The following ANKRD50 variants were observed in gnomAD, a reference collection of about 807,000 sequenced individuals.
ANKRD50 encodes the protein ankyrin repeat domain 50, also known as ankyrin repeat domain-containing protein 50.
Under a neutral mutation model 112.0 loss-of-function variants are expected in ANKRD50, and 40 were observed. The ratio of observed to expected loss-of-function variants is 0.36; its 90% CI spans 0.28 to 0.46. The LOEUF (loss-of-function observed/expected upper bound fraction) is 0.46, where lower values mean the gene tolerates loss of function less well. ANKRD50 is among the 20% of genes least tolerant of loss of function. The pLI is 1.00. For synonymous variants in ANKRD50, 613 were observed against 619.1 expected (o/e 0.99, Z 0.15); for missense variants, 1,487 against 1,701.7 (o/e 0.87, Z 2.22).
intron 2 of ANKRD50, among the ~76,000 whole-genome samples, chr4:124,703,295 T>C (rs1054687918): frequency 2.0e-5 from 3 of 152,036 alleles, no homozygotes; most frequent in Non-Finnish European, 2.9e-5. Flanking sequence ...TTTCTGTAAA[T>C]GTGTAGAGAT....
chr4:124,698,797 T>C (rs1356580224), intron 2 of ANKRD50, among the ~76,000 whole-genome samples: 1 of 152,152 alleles, frequency 6.6e-6, no homozygotes, highest in African/African-American at 2.4e-5. Context: ...GGTTATTTTG[T>C]GGGAATTGGC....
intron 2 of ANKRD50, among the ~76,000 whole-genome samples, chr4:124,691,535 A>C (rs1449676638): frequency 6.8e-6 from 1 of 148,080 alleles, no homozygotes; most frequent in African/African-American, 2.5e-5. Flanking sequence ...GGAGAACAGT[A>C]CTTAACATTT....
intron 2 of ANKRD50, among the ~76,000 whole-genome samples, chr4:124,696,435 T>C (rs1725253662): frequency 6.6e-6 from 1 of 152,064 alleles, no homozygotes; most frequent in Non-Finnish European, 1.5e-5. Context: ...AGAAAAAGAA[T>C]GAAGAGGCAC....
intron 2 of ANKRD50, among the ~76,000 whole-genome samples, chr4:124,701,500 C>A (rs532981863): frequency 6.6e-6 from 1 of 152,100 alleles, no homozygotes; most frequent in Non-Finnish European, 1.5e-5. Context: ...TCTATTTTAT[C>A]ATTAAAGACT....
At chr4:124,683,848 T>A (rs1724945971) in intron 2 of ANKRD50, among the ~76,000 whole-genome samples, 1 of 151,044 alleles carries the variant, frequency 6.6e-6, no homozygotes, top group South Asian at 2.1e-4. Flanking sequence ...AGGTTTTTTT[T>A]GGACATGTAC....
chr4:124,671,595 A>C lies in ANKRD50; in HGVS notation c.1682T>G (p.Val561Gly). The C allele has an allele frequency of 6.2e-7, 1 of 1,613,864 alleles. No homozygotes were observed. Among genetic ancestry groups the C allele is most frequent in the Non-Finnish European group, 8.5e-7 (1 of 1,179,854 alleles). Residue 561 changes from valine to glycine, a missense_variant, in exon 4 of 5, where the codon GTC (valine) becomes GGC (glycine). Val to Gly is a moderately radical substitution (Grantham distance 109). Coordinates refer to ENST00000504087, the MANE Select transcript of ANKRD50 (RefSeq NM_020337.3). The part of the protein sequence containing the change: ...NAAYSGSLDV[V>G]NLLVSRGADL... ...TGCTCCCCTAGAGACAAGTAAATTG[A>C]CTACATCAAGACTGCCACTATATGC...
Position 124,678,785 on chromosome 4 carries a change from A to C in ANKRD50, c.633T>G (p.Ser211=). The C allele has an allele frequency of 6.2e-7, 1 of 1,613,932 alleles. No individual in the cohort carries two copies. Among genetic ancestry groups the C allele is most frequent in the Non-Finnish European group, 8.5e-7 (1 of 1,179,826 alleles). ...TEGEQTSTSL[S]GTVAALLAGH... ...CAGCTAAAAGTGCTGCAACAGTCCC[A>C]GATAAGCTGGTAGACGTTTGTTCAC... Residue 211 remains serine, a synonymous_variant, in exon 3 of 5, where the codon TCT becomes TCG. Coordinates refer to ENST00000504087, the MANE Select transcript of ANKRD50 (RefSeq NM_020337.3).
In ANKRD50 at chr4:124,695,964, T is replaced by C. The variant is rs1220949356; in HGVS notation, c.512+14036A>G. On this transcript the variant is annotated intron_variant, in intron 2 of 4. Coordinates refer to ENST00000504087, the MANE Select transcript of ANKRD50 (RefSeq NM_020337.3). ...AAAGACATCACCTGGAAATCTACAA[T>C]CATTTAACACACTATCAGATATAAA... Among the ~76,000 whole-genome samples, 3 of 152,240 alleles carry C rather than the reference T, an allele frequency of 2.0e-5. No individual in the cohort carries two copies. The East Asian group carries it at 5.8e-4, about 29-fold the overall frequency.
intron 2 of ANKRD50, among the ~76,000 whole-genome samples, chr4:124,682,132 A>G (rs1456659011): frequency 6.6e-6 from 1 of 151,758 alleles, no homozygotes; most frequent in Admixed American, 6.6e-5. Context: ...CTGGCTAACA[A>G]GGTGAAACCC....
At chr4:124,683,759 A>C (rs1724943814) in intron 2 of ANKRD50, among the ~76,000 whole-genome samples, 1 of 147,106 alleles carries the variant, frequency 6.8e-6, no homozygotes, top group Non-Finnish European at 1.5e-5. Context: ...TCCGTCTCAA[A>C]AAAAAAAAAA....
At chr4:124,691,608 T>G (rs1725141163) in intron 2 of ANKRD50, among the ~76,000 whole-genome samples, 1 of 151,454 alleles carries the variant, frequency 6.6e-6, no homozygotes, top group African/African-American at 2.4e-5. Flanking sequence ...CAGCGTAACA[T>G]TAGTAAAACA....
At chr4:124,675,311 CA>C (rs1730749953) in intron 3 of ANKRD50, among the ~76,000 whole-genome samples, 1 of 151,598 alleles carries the variant, frequency 6.6e-6, no homozygotes, top group Non-Finnish European at 1.5e-5. Flanking sequence ...AGACCTGTGC[CA>C]ATATTTATAA....
Position 124,666,859 on chromosome 4 carries a change from A to T in ANKRD50, c.*659T>A, listed in dbSNP as rs1307222872. 1 of 152,428 alleles carries T rather than the reference A, an allele frequency of 6.6e-6. No individual in the cohort carries two copies. The highest frequency in any genetic ancestry group is 2.1e-4 in the South Asian group (1 of 4,834). 9.4% of individuals were successfully genotyped at this position (152,428 alleles called of 1,614,324 possible). On this transcript the variant is annotated 3_prime_UTR_variant, in exon 5 of 5. Transcript: ENST00000504087. ...TTTAGCCAGAGATGAGAAGAATTCT[A>T]CTGGGAAAATCCAGATTTAAACTAC...
At chr4:124,703,367 G>A (rs1451842214) in intron 2 of ANKRD50, among the ~76,000 whole-genome samples, 2 of 152,114 alleles carry the variant, frequency 1.3e-5, no homozygotes, top group Non-Finnish European at 2.9e-5. Flanking sequence ...AAACTGATAC[G>A]GAAGAGGAAG....
chr4:124,710,324 C>G lies in ANKRD50; in HGVS notation c.188G>C (p.Gly63Ala). Residue 63 changes from glycine to alanine, a missense_variant, in exon 2 of 5, where the codon GGT becomes GCT. Gly to Ala is a moderately conservative substitution (Grantham distance 60). Transcript: ENST00000504087. ...CCAGGCAGCTCCCTTTCCAGAGACA[C>G]CACTAGCATTATTCCCAGAATTCAT... ...LVMNSGNNAS[G>A]VSGKGAAWGV... is the part of the protein sequence containing the mutation. 1 of 1,614,180 alleles carries G rather than the reference C, an allele frequency of 6.2e-7. No individual in the cohort carries two copies. The highest frequency in any genetic ancestry group is 8.5e-7 in the Non-Finnish European group (1 of 1,180,030).
At chr4:124,680,576 T>TA (rs927294007) in intron 2 of ANKRD50, among the ~76,000 whole-genome samples, 5 of 152,206 alleles carry the variant, frequency 3.3e-5, no homozygotes, top group African/African-American at 1.2e-4. Flanking sequence ...TATTGTATCT[T>TA]AAACATATAT....
At chr4:124,705,770 C>T (rs1186699653) in intron 2 of ANKRD50, among the ~76,000 whole-genome samples, 1 of 152,088 alleles carries the variant, frequency 6.6e-6, no homozygotes, top group Non-Finnish European at 1.5e-5. Flanking sequence ...CCACCTCTAA[C>T]ACTAACTCTA....
At position 124,675,734 on chromosome 4, in the gene ANKRD50, G is replaced by A. The variant is rs549028559; in HGVS notation, c.742+2942C>T. Reference sequence around the variant, plus strand: ...CATAAATAATCTTTTAAAAATCTTGGAGGGTTAATTTTTTGTGCACAAAAT... The same window carrying A: ...CATAAATAATCTTTTAAAAATCTTGAAGGGTTAATTTTTTGTGCACAAAAT... On this transcript the variant is annotated intron_variant, in intron 3 of 4. Transcript: ENST00000504087. Among the ~76,000 whole-genome samples the A allele has an allele frequency of 3.3e-5, 5 of 151,798 alleles. No homozygotes were observed. In the East Asian group the frequency reaches 7.8e-4, roughly 24 times the overall value.
intron 2 of ANKRD50, among the ~76,000 whole-genome samples, chr4:124,698,713 T>C (rs1725312455): frequency 6.6e-6 from 1 of 152,326 alleles, no homozygotes; most frequent in South Asian, 2.1e-4. Context: ...GGCTACACGA[T>C]GTGAGGTATT....
Sources: gnomAD v4.1 joint callset for allele counts (sites outside exome capture counted in the v4.1 genomes callset) on GRCh38, gnomAD v4.1.1 for gene constraint, MANE v1.5 for transcripts, NCBI Gene and HGNC (gene_info 2026-07-23, HGNC 2026-07-21) for gene names.